The following IRAG2 variants were observed in gnomAD, a reference collection of about 807,000 sequenced individuals.
The protein encoded by IRAG2 is inositol 1,4,5-triphosphate receptor associated 2.
A neutral mutation model predicts 69.9 loss-of-function variants in IRAG2; 45 were observed. That is an observed-to-expected ratio of 0.64 (90% CI 0.51 to 0.83). The LOEUF is 0.83. Ranked by LOEUF, IRAG2 falls within the 40% of genes least tolerant of loss-of-function variation. The probability of loss-of-function intolerance (pLI) is 0.00; values close to 1 mark genes in which losing one functional copy is unlikely to be tolerated. For missense variants in IRAG2, 520 were observed against 587.0 expected (o/e 0.89, Z 1.18); for synonymous variants, 193 against 202.4 (o/e 0.95, Z 0.40).
chr12:25,089,692 A>T lies in IRAG2; in HGVS notation c.437+15A>T, dbSNP rs781711363. 16 of 1,608,850 alleles carry T rather than the reference A, an allele frequency of 9.9e-6. No individual in the cohort carries two copies. Among genetic ancestry groups the T allele is most frequent in the Non-Finnish European group, 1.4e-5 (16 of 1,175,598 alleles). On this transcript the variant is annotated intron_variant, in intron 12 of 21. Transcript: ENST00000556887. ...CAAAGTGAGAAGTAAGTGCTTCTTC[A>T]TGTAGCATGTTAACATGTTTTATTT...
At chr12:25,034,046 T>G (rs2139850942) in intron 13 of IRAG2, 1 of 396,566 alleles carries the variant, frequency 2.5e-6, no homozygotes, top group Non-Finnish European at 4.4e-6. Flanking sequence ...AAACTACCAG[T>G]GACACTGAGA....
rs1908946 is a variant in IRAG2, at chr12:25,090,181, G to C, written c.590G>C (p.Cys197Ser). Residue 197 changes from cysteine (C) to serine (S), a missense_variant, in exon 14 of 22, where the codon TGT becomes TCT. Physicochemically the swap from Cys to Ser is moderately radical, Grantham distance 112. Coordinates refer to ENST00000556887, the MANE Select transcript of IRAG2 (RefSeq NM_001366544.2). ...AATTTGAAGAAAGAAATCACTAACT[G>C]TTTAAAACTATTAGAGGTGAGAATC... Reference protein sequence around the residue: ...EENLKKEITNCLKLLESLTPL... With the variant: ...EENLKKEITNSLKLLESLTPL... 0.53 allele frequency: 857,058 copies of C among 1,611,416 alleles called. 234,185 individuals carry two copies. Among genetic ancestry groups the C allele is most frequent in the East Asian group, 0.8 (35,857 of 44,872 alleles).
At chr12:25,098,139 T>C (rs1251522827) in intron 15 of IRAG2, among the ~76,000 whole-genome samples, 2 of 152,218 alleles carry the variant, frequency 1.3e-5, no homozygotes, top group African/African-American at 4.8e-5. Context: ...TTGCTTTGTC[T>C]TACTCATTTG....
chr12:25,015,469 A>T, intron 5 of IRAG2: 5 of 1,145,424 alleles, frequency 4.4e-6, no homozygotes, highest in Non-Finnish European at 5.5e-6. Flanking sequence ...TTTCAACTTC[A>T]TTTTTCTTGT....
In IRAG2 at chr12:25,088,227, G is replaced by C; in HGVS notation, c.373+70G>C. On this transcript the variant is annotated intron_variant, in intron 11 of 21. Transcript: ENST00000556887. ...GCTGATATTTTTGTGGGTGAAATCT[G>C]TCTGAATAAAGCTATGTCACTTACA... The C allele has an allele frequency of 3.2e-6, 4 of 1,269,002 alleles. No homozygotes were observed. In the South Asian group the frequency reaches 4.8e-5, roughly 15 times the overall value. The allele number at this position is 1,269,002 out of a possible 1,614,324, so 78.6% of individuals were successfully genotyped here.
At chr12:25,022,986 T>G (rs1161291449) in intron 7 of IRAG2, among the ~76,000 whole-genome samples, 4 of 151,656 alleles carry the variant, frequency 2.6e-5, no homozygotes, top group Admixed American at 6.6e-5. Context: ...AGTAGCCAGG[T>G]GTGGTGGCAA....
At chr12:25,004,154 G>A (rs1046435676), upstream of IRAG2, among the ~76,000 whole-genome samples, 2 of 152,074 alleles carry the variant, frequency 1.3e-5, no homozygotes, top group African/African-American at 4.8e-5. Context: ...AAATTTGAGG[G>A]CCAAAGTTAA....
chr12:25,077,006 GCT>G (rs2140076914), intron 6 of IRAG2, among the ~76,000 whole-genome samples: 1 of 150,794 alleles, frequency 6.6e-6, no homozygotes, highest in East Asian at 2.0e-4. Context: ...CTCCCAAGTA[GCT>G]GCAATCGCAG....
At chr12:25,104,538 G>T in intron 20 of IRAG2, 76 bp downstream of exon 20, 1 of 820,080 alleles carries the variant, frequency 1.2e-6, no homozygotes, top group South Asian at 1.4e-5. Flanking sequence ...TTATTCCATG[G>T]AGATGAAATA....
At chr12:25,103,760 A>G in intron 17 of IRAG2, 77 bp from the exon 18 acceptor site, 1 of 1,049,668 alleles carries the variant, frequency 9.5e-7, no homozygotes, top group South Asian at 1.3e-5. Flanking sequence ...ATGCATGTAC[A>G]AGGATATTTA....
intron 2 of IRAG2, among the ~76,000 whole-genome samples, chr12:25,008,833 A>T (rs1283972844): frequency 1.3e-5 from 2 of 152,194 alleles, no homozygotes; most frequent in African/African-American, 4.8e-5. Context: ...TGATATACTA[A>T]TGTATTCTCT....
intron 14 of IRAG2, among the ~76,000 whole-genome samples, chr12:25,095,143 T>G (rs1400206273): frequency 1.3e-5 from 2 of 152,206 alleles, no homozygotes; most frequent in Non-Finnish European, 2.9e-5. Context: ...CATCTTTGCC[T>G]TGTTCCTGAC....
upstream of IRAG2, among the ~76,000 whole-genome samples, chr12:25,003,606 A>T (rs1944408854): frequency 6.6e-6 from 1 of 151,850 alleles, no homozygotes; most frequent in African/African-American, 2.4e-5. Flanking sequence ...CTTTTTTTTT[A>T]AAGGTCATAT....
chr12:25,018,486 G>C (rs539928852), intron 6 of IRAG2, among the ~76,000 whole-genome samples: 2 of 152,040 alleles, frequency 1.3e-5, no homozygotes, highest in African/African-American at 4.8e-5. Context: ...GATTACAGGA[G>C]GGGGAGCCAC....
intron 10 of IRAG2, among the ~76,000 whole-genome samples, chr12:25,086,016 GAAGAAAACTC>G (rs367782457): frequency 1.8e-4 from 27 of 152,236 alleles, no homozygotes; most frequent in African/African-American, 6.5e-4. Flanking sequence ...AAAATGAACA[GAAGAAAACTC>G]AAGTCCTTTA....
At chr12:25,070,549 G>C (rs560353519) in intron 6 of IRAG2, among the ~76,000 whole-genome samples, 10 of 152,268 alleles carry the variant, frequency 6.6e-5, no homozygotes, top group African/African-American at 2.2e-4. Context: ...CAGCTGATGG[G>C]CATTTGAGTT....
chr12:25,066,922 T>C (rs10842456), intron 5 of IRAG2, among the ~76,000 whole-genome samples: 54,369 of 151,910 alleles, frequency 0.36, 10,159 homozygotes, highest in East Asian at 0.67. Flanking sequence ...AGTGCTGGGA[T>C]TACAGGTGTG....
At chr12:25,081,227 C>T (rs947364827) in intron 9 of IRAG2, among the ~76,000 whole-genome samples, 3 of 152,202 alleles carry the variant, frequency 2.0e-5, no homozygotes, top group African/African-American at 7.2e-5. Context: ...CTTTGGGAGG[C>T]TGAGGCAGGC....
intron 14 of IRAG2, among the ~76,000 whole-genome samples, chr12:25,095,468 C>A (rs534960960): frequency 5.3e-5 from 8 of 152,004 alleles, no homozygotes; most frequent in Admixed American, 2.6e-4. Context: ...ATATGTTAAA[C>A]CACCCTAACA....
Sources: gnomAD v4.1 joint callset for allele counts (sites outside exome capture counted in the v4.1 genomes callset) on GRCh38, gnomAD v4.1.1 for gene constraint, MANE v1.5 for transcripts, NCBI Gene and HGNC (gene_info 2026-07-23, HGNC 2026-07-21) for gene names.